The following PLEKHA5 variants were observed in gnomAD, a reference collection of about 807,000 sequenced individuals.
PLEKHA5 encodes the protein pleckstrin homology domain-containing family A member 5.
A neutral mutation model predicts 181.9 loss-of-function variants in PLEKHA5; 55 were observed. That is an observed-to-expected ratio of 0.30 (90% CI 0.24 to 0.38). The LOEUF is 0.38. PLEKHA5 is among the 10% of genes least tolerant of loss of function. PLEKHA5 has a pLI of 1.00. For synonymous variants in PLEKHA5, 535 were observed against 529.4 expected (o/e 1.01, Z -0.15); for missense variants, 1,432 against 1,549.5 (o/e 0.92, Z 1.27).
chr12:19,269,784 C>T lies in PLEKHA5; in HGVS notation c.726C>T (p.Asn242=), dbSNP rs1434651173. ...TTTTCAATCAGGCAGCCCATCCAAA[C>T]ATGCGGACCTATTATTTCTGCACTG... is the stretch of plus-strand genomic sequence containing the variant. ...RKYAFKAAHP[N]MRTYYFCTDT... is the part of the protein sequence containing the mutation. Residue 242 remains asparagine, a synonymous_variant, in exon 9 of 32, where the codon AAC becomes AAT. Transcript: ENST00000429027. 1.3e-6 allele frequency: 2 copies of T among 1,589,528 alleles called. No individual in the cohort carries two copies. Among genetic ancestry groups the T allele is most frequent in the East Asian group, 4.5e-5 (2 of 44,626 alleles).
At chr12:19,246,777 T>C (rs1007905084) in intron 3 of PLEKHA5, among the ~76,000 whole-genome samples, 1 of 152,192 alleles carries the variant, frequency 6.6e-6, no homozygotes, top group African/African-American at 2.4e-5. Context: ...TTTGGTCTTA[T>C]TGGATAACAG....
chr12:19,239,173 G>A (rs973549790), intron 3 of PLEKHA5, among the ~76,000 whole-genome samples: 3 of 152,106 alleles, frequency 2.0e-5, no homozygotes, highest in Non-Finnish European at 4.4e-5. Context: ...AGTTAAATAC[G>A]AGGAGGATAT....
At chr12:19,282,289 G>A (rs893293629) in intron 11 of PLEKHA5, among the ~76,000 whole-genome samples, 2 of 152,166 alleles carry the variant, frequency 1.3e-5, no homozygotes, top group African/African-American at 4.8e-5. Flanking sequence ...CATCTATGAA[G>A]TGGAATATTA....
intron 25 of PLEKHA5, among the ~76,000 whole-genome samples, chr12:19,352,252 G>C (rs1305776197): frequency 2.6e-5 from 4 of 151,072 alleles, no homozygotes; most frequent in African/African-American, 7.3e-5. Flanking sequence ...AGGCGTGGTA[G>C]CACATGCCTG....
chr12:19,292,159 A>G (rs1322598538), intron 15 of PLEKHA5, among the ~76,000 whole-genome samples: 1 of 152,234 alleles, frequency 6.6e-6, no homozygotes, highest in East Asian at 1.9e-4. Flanking sequence ...TAATCCCAGC[A>G]CTTTGGGAGG....
In PLEKHA5 at chr12:19,290,724, C is replaced by A; in HGVS notation, c.1911C>A (p.Ala637=). The A allele has an allele frequency of 6.5e-7, 1 of 1,535,148 alleles. No individual in the cohort carries two copies. Among genetic ancestry groups the A allele is most frequent in the South Asian group, 1.2e-5 (1 of 83,880 alleles). The part of the protein sequence containing the change: ...LLLIKLRRQQ[A]ELSSIREHTL... ...TAATAAAGCTGAGACGGCAGCAAGC[C>A]GAACTGAGTAGTATCCGGGAGCATA... The change falls in exon 14 of 32, where the codon GCC becomes GCA. Residue 637 remains alanine (A), a synonymous_variant. Coordinates refer to ENST00000429027, the MANE Select transcript of PLEKHA5 (RefSeq NM_001256470.2).
intron 3 of PLEKHA5, among the ~76,000 whole-genome samples, chr12:19,193,859 T>A (rs748791936): frequency 6.6e-6 from 1 of 152,174 alleles, no homozygotes; most frequent in African/African-American, 2.4e-5. Flanking sequence ...CTTTTACTTA[T>A]GGCAGAAGGG....
chr12:19,214,400 G>A (rs2057541457), intron 3 of PLEKHA5, among the ~76,000 whole-genome samples: 1 of 151,906 alleles, frequency 6.6e-6, no homozygotes, highest in Non-Finnish European at 1.5e-5. Flanking sequence ...GGAAAGAGGT[G>A]GGAGGGAGGA....
intron 25 of PLEKHA5, among the ~76,000 whole-genome samples, 171 bp from the exon 26 acceptor site, chr12:19,353,713 C>T (rs2094741112): frequency 6.6e-6 from 1 of 152,198 alleles, no homozygotes; most frequent in African/African-American, 2.4e-5. Context: ...CCTGCCTTGG[C>T]CTCCCAAAGT....
intron 11 of PLEKHA5, among the ~76,000 whole-genome samples, chr12:19,278,262 A>G (rs1004274865): frequency 6.6e-6 from 1 of 152,190 alleles, no homozygotes; most frequent in Non-Finnish European, 1.5e-5. Flanking sequence ...TAATGATCAT[A>G]TGATAGTTGA....
intron 3 of PLEKHA5, among the ~76,000 whole-genome samples, chr12:19,223,633 G>T (rs1347486682): frequency 6.6e-6 from 1 of 152,062 alleles, no homozygotes; most frequent in Non-Finnish European, 1.5e-5. Flanking sequence ...ACAAATTTGG[G>T]CATTTGTAAT....
intron 3 of PLEKHA5, among the ~76,000 whole-genome samples, chr12:19,246,225 G>A (rs1042417119): frequency 5.3e-5 from 8 of 151,600 alleles, no homozygotes; most frequent in Non-Finnish European, 8.8e-5. Context: ...TGATCCACCC[G>A]CCTTGGCCTC....
At chr12:19,224,306 G>C (rs1397413654) in intron 3 of PLEKHA5, among the ~76,000 whole-genome samples, 1 of 152,184 alleles carries the variant, frequency 6.6e-6, no homozygotes, top group African/African-American at 2.4e-5. Context: ...AATAGTACAT[G>C]TGGCACTCAA....
intron 18 of PLEKHA5, chr12:19,320,895 G>A (rs931397962): frequency 4.0e-5 from 8 of 199,936 alleles, no homozygotes; most frequent in African/African-American, 7.0e-5. Context: ...GGCTGGACAC[G>A]GTGGCCCACA....
At chr12:19,316,129 A>T (rs993035982) in intron 16 of PLEKHA5, among the ~76,000 whole-genome samples, 6 of 151,974 alleles carry the variant, frequency 3.9e-5, no homozygotes, top group African/African-American at 1.5e-4. Flanking sequence ...TTATTCCAAA[A>T]CTGATACCTT....
intron 29 of PLEKHA5, among the ~76,000 whole-genome samples, chr12:19,365,239 C>T (rs1231134759): frequency 2.6e-5 from 4 of 151,790 alleles, no homozygotes; most frequent in Non-Finnish European, 5.9e-5. Context: ...TGGTGGCAGG[C>T]GCCCGTAGTC....
In PLEKHA5 at chr12:19,130,154, T is replaced by C. The variant is rs761867873; in HGVS notation, c.169+24T>C. 37 of 1,498,524 alleles carry C rather than the reference T, an allele frequency of 2.5e-5. No homozygotes were observed. In the East Asian group the frequency reaches 9.5e-4, roughly 38 times the overall value. The allele number at this position is 1,498,524 out of a possible 1,614,324, so 92.8% of individuals were successfully genotyped here. A position where few individuals can be genotyped will look rare whatever the true frequency, so the allele number is the denominator to read the frequency against. ...AGGTAACGCCGGGCCCAAACGGAGTTGGGCTCCGCCTGGAGGAGGCGGCAG... is the reference window on the plus strand; with the variant it reads ...AGGTAACGCCGGGCCCAAACGGAGTCGGGCTCCGCCTGGAGGAGGCGGCAG... On this transcript the variant is annotated intron_variant, in intron 2 of 31. Transcript: ENST00000429027. This position sits in a 1 kb window ranked among gnomAD's most constrained non-coding sequence, Gnocchi z 4.5.
At chr12:19,143,607 TATATGTAATTATATGTG>T (rs2038057538) in intron 3 of PLEKHA5, among the ~76,000 whole-genome samples, 1 of 152,170 alleles carries the variant, frequency 6.6e-6, no homozygotes, top group Admixed American at 6.5e-5. Flanking sequence ...ATGCATGTAT[TATATGTAATTATATGTG>T]CAATTATGCA....
rs181664141 is a variant in PLEKHA5 at position 19,260,755 on chromosome 12, G to A, written c.538-194G>A. On this transcript the variant is annotated intron_variant, in intron 6 of 31. Transcript: ENST00000429027. ...GGCGCATGTAACCCCAGCTACTCTGGAGGCTGAGACAGGAGAATCGCTTGA... is the reference window on the plus strand; with the variant it reads ...GGCGCATGTAACCCCAGCTACTCTGAAGGCTGAGACAGGAGAATCGCTTGA... Among the ~76,000 whole-genome samples, 87 of 152,248 alleles carry A rather than the reference G, an allele frequency of 5.7e-4. 2 individuals are homozygous for A. The East Asian group carries it at 0.013, about 22-fold the overall frequency.
Sources: gnomAD v4.1 joint callset for allele counts (sites outside exome capture counted in the v4.1 genomes callset) on GRCh38, gnomAD v4.1.1 for gene constraint, Gnocchi (gnomAD v3.1) non-coding constraint, MANE v1.5 for transcripts, NCBI Gene and HGNC (gene_info 2026-07-23, HGNC 2026-07-21) for gene names.